The following MBNL1 variants were observed in gnomAD, a reference collection of about 807,000 sequenced individuals.
MBNL1 encodes the protein muscleblind like splicing regulator 1.
Under a neutral mutation model 42.2 loss-of-function variants are expected in MBNL1, and 8 were observed. The observed-to-expected ratio is 0.19, with a 90% CI of 0.11 to 0.34. MBNL1 has a LOEUF of 0.34. MBNL1 is among the 10% of genes least tolerant of loss of function. The pLI is 1.00. For missense variants in MBNL1, 309 were observed against 495.3 expected (o/e 0.62, Z 3.57); for synonymous variants, 169 against 173.9 (o/e 0.97, Z 0.22).
At chr3:152,383,090 G>A (rs546960617) in intron 2 of MBNL1, among the ~76,000 whole-genome samples, 2 of 152,144 alleles carry the variant, frequency 1.3e-5, no homozygotes, top group South Asian at 4.1e-4. Context: ...AGTTTACCAT[G>A]CGTTTTCTAT....
intron 2 of MBNL1, among the ~76,000 whole-genome samples, chr3:152,318,939 G>T (rs1334538563): frequency 6.6e-6 from 1 of 152,092 alleles, no homozygotes; most frequent in Non-Finnish European, 1.5e-5. Context: ...TTAAAACTTG[G>T]AATACAACCT....
At chr3:152,265,212 C>T (rs2036993085), upstream of MBNL1, 1 of 152,188 alleles carries the variant, frequency 6.6e-6, no homozygotes, top group Non-Finnish European at 1.5e-5. Flanking sequence ...TTAGAGTCAT[C>T]TTCTCTTGAC....
At chr3:152,283,337 C>T (rs138560888) in intron 1 of MBNL1, among the ~76,000 whole-genome samples, 2 of 152,026 alleles carry the variant, frequency 1.3e-5, no homozygotes, top group Non-Finnish European at 2.9e-5. Context: ...GATATATACC[C>T]CATCAAGCTT....
chr3:152,446,656 A>C, intron 5 of MBNL1: 3 of 1,506,670 alleles, frequency 2.0e-6, no homozygotes, highest in Non-Finnish European at 2.8e-6. Context: ...AATGCGCTTG[A>C]ACCCCACTGG....
chr3:152,365,299 T>G (rs1338697337), intron 2 of MBNL1, among the ~76,000 whole-genome samples: 1 of 152,144 alleles, frequency 6.6e-6, no homozygotes, highest in African/African-American at 2.4e-5. Flanking sequence ...ATCACTTGAT[T>G]ATGTGAATAG....
chr3:152,397,910 C>G (rs536640519), intron 2 of MBNL1, among the ~76,000 whole-genome samples: 21 of 152,152 alleles, frequency 1.4e-4, no homozygotes, highest in Non-Finnish European at 2.2e-4. Flanking sequence ...ATTTTATTGT[C>G]AGCCAATTTT....
Position 152,299,693 on chromosome 3 carries a change from C to G in MBNL1, c.-501C>G, listed in dbSNP as rs1253398125. 1 of 398,536 alleles carries G rather than the reference C, an allele frequency of 2.5e-6. No homozygotes were observed. Among genetic ancestry groups the G allele is most frequent in the Non-Finnish European group, 4.4e-6 (1 of 226,082 alleles). 24.7% of individuals were successfully genotyped at this position (398,536 alleles called of 1,614,324 possible). A position where few individuals can be genotyped will look rare whatever the true frequency, so the allele number is the denominator to read the frequency against. The stretch of plus-strand genomic sequence containing the variant: ...AAAAAATCATTTTCTCGATTTTGCT[C>G]TAAACTGCTGCATCTGTCTATGCCA... On this transcript the variant is annotated 5_prime_UTR_variant, in exon 2 of 10. Transcript: ENST00000324210.
chr3:152,420,878 A>C (rs900683499), intron 3 of MBNL1, among the ~76,000 whole-genome samples: 3 of 152,190 alleles, frequency 2.0e-5, no homozygotes, highest in Admixed American at 6.5e-5. Flanking sequence ...TTGATAAAAG[A>C]TTACAGGAAC....
At chr3:152,443,207 C>A (rs1264407083) in intron 4 of MBNL1, among the ~76,000 whole-genome samples, 3 of 134,174 alleles carry the variant, frequency 2.2e-5, no homozygotes, top group African/African-American at 8.5e-5. Flanking sequence ...CACACACATG[C>A]AAATACATAC....
At chr3:152,359,487 T>C (rs773192210) in intron 2 of MBNL1, among the ~76,000 whole-genome samples, 1 of 152,224 alleles carries the variant, frequency 6.6e-6, no homozygotes, top group Non-Finnish European at 1.5e-5. Context: ...TCAGGTTTGC[T>C]GATTTCTGTG....
chr3:152,387,336 T>G (rs2097490190), intron 2 of MBNL1, among the ~76,000 whole-genome samples: 1 of 151,930 alleles, frequency 6.6e-6, no homozygotes, highest in Non-Finnish European at 1.5e-5. Context: ...TTGTGTTGAA[T>G]GTAAAACTGT....
At chr3:152,392,144 A>G (rs1029505712) in intron 2 of MBNL1, among the ~76,000 whole-genome samples, 4 of 152,146 alleles carry the variant, frequency 2.6e-5, no homozygotes. Flanking sequence ...AAGTAGTGGC[A>G]TAAAGACTTT....
intron 1 of MBNL1, among the ~76,000 whole-genome samples, chr3:152,288,351 C>G (rs2053838484): frequency 6.6e-6 from 1 of 152,162 alleles, no homozygotes; most frequent in Admixed American, 6.5e-5. Flanking sequence ...CTCCCCACTC[C>G]TGACTCAGGA....
intron 1 of MBNL1, among the ~76,000 whole-genome samples, chr3:152,295,322 A>G (rs1392789751): frequency 6.6e-6 from 1 of 152,224 alleles, no homozygotes; most frequent in African/African-American, 2.4e-5. Flanking sequence ...AGGAAAAATA[A>G]TCAACTCTAG....
chr3:152,298,825 A>C (rs1234633596), intron 1 of MBNL1, among the ~76,000 whole-genome samples: 1 of 152,190 alleles, frequency 6.6e-6, no homozygotes, highest in Non-Finnish European at 1.5e-5. Flanking sequence ...CAGCAGGAGC[A>C]GGCTGTTCAG....
intron 2 of MBNL1, among the ~76,000 whole-genome samples, chr3:152,259,078 T>C (rs928885169): frequency 1.3e-5 from 2 of 152,320 alleles, no homozygotes; most frequent in South Asian, 4.1e-4. Context: ...CTTTAGAGAG[T>C]ACAACTCCAT....
intron 2 of MBNL1, among the ~76,000 whole-genome samples, chr3:152,248,410 A>G (rs945699616): frequency 1.1e-4 from 17 of 152,122 alleles, no homozygotes; most frequent in Non-Finnish European, 2.1e-4. Context: ...AAAAAAGTAT[A>G]ATGAACCCCT....
intron 1 of MBNL1, among the ~76,000 whole-genome samples, chr3:152,284,788 C>T (rs1399891960): frequency 2.0e-5 from 3 of 152,084 alleles, no homozygotes; most frequent in Admixed American, 6.5e-5. Flanking sequence ...TTTCTGCAGA[C>T]ATATTTTAAG....
intron 2 of MBNL1, among the ~76,000 whole-genome samples, chr3:152,333,155 A>C (rs1389959636): frequency 2.6e-5 from 4 of 152,182 alleles, no homozygotes; most frequent in Non-Finnish European, 1.5e-5. Flanking sequence ...TATTGGCAAC[A>C]ATGGTAATCC....
Sources: allele counts gnomAD v4.1 joint callset (sites outside exome capture counted in the v4.1 genomes callset), GRCh38; gene constraint gnomAD v4.1.1; transcripts MANE v1.5; gene names NCBI Gene and HGNC (gene_info 2026-07-23, HGNC 2026-07-21).